Variants in MARCHF1 observed in about 807,000 individuals in gnomAD.
MARCHF1 encodes E3 ubiquitin-protein ligase MARCHF1.
Under a neutral mutation model 54.2 loss-of-function variants are expected in MARCHF1, and 40 were observed. That is an observed-to-expected ratio of 0.74 (90% confidence interval 0.57 to 0.96). The LOEUF (loss-of-function observed/expected upper bound fraction) is 0.96, where lower values mean the gene tolerates loss of function less well. MARCHF1 is among the 40% of genes least tolerant of loss of function. MARCHF1 has a pLI of 0.00. For synonymous variants in MARCHF1, 236 were observed against 236.3 expected, an observed-to-expected ratio of 1.00 and a Z score of 0.01; for missense variants, 586 against 656.5, an observed-to-expected ratio of 0.89 and a Z score of 1.17.
chr4:164,146,935 G>A (rs945009064), intron 1 of MARCHF1, among the ~76,000 whole-genome samples: 8 of 149,416 alleles, frequency 5.4e-5, no homozygotes, highest in African/African-American at 2.0e-4. Context: ...CTGACAAAGG[G>A]CTAATATCCA....
At chr4:164,021,976 G>A (rs1753676453) in intron 2 of MARCHF1, among the ~76,000 whole-genome samples, 1 of 151,994 alleles carries the variant, frequency 6.6e-6, no homozygotes, top group African/African-American at 2.4e-5. Flanking sequence ...AGCAACATTT[G>A]TTGAAAAAAT....
chr4:163,536,551 CA>C (rs2110884544), intron 9 of MARCHF1, among the ~76,000 whole-genome samples: 1 of 152,214 alleles, frequency 6.6e-6, no homozygotes, highest in Admixed American at 6.5e-5. Flanking sequence ...TTGACGAGCA[CA>C]GAATTTGTCT....
At chr4:164,108,463 G>A (rs1156329490) in intron 2 of MARCHF1, among the ~76,000 whole-genome samples, 2 of 151,620 alleles carry the variant, frequency 1.3e-5, no homozygotes, top group African/African-American at 4.8e-5. Flanking sequence ...GACATGCAAA[G>A]GATCAGTTTA....
intron 5 of MARCHF1, among the ~76,000 whole-genome samples, chr4:163,618,165 G>A (rs1472634139): frequency 6.6e-6 from 1 of 152,114 alleles, no homozygotes. Context: ...TACATGTTCC[G>A]CTTGCTGGTG....
intron 4 of MARCHF1, among the ~76,000 whole-genome samples, chr4:163,840,776 C>T (rs1490798670): frequency 1.3e-5 from 2 of 151,988 alleles, no homozygotes; most frequent in Non-Finnish European, 2.9e-5. Context: ...GTTCTCACCC[C>T]TGACCCCCAA....
At chr4:163,737,782 G>C (rs369781730) in intron 4 of MARCHF1, among the ~76,000 whole-genome samples, 11 of 117,944 alleles carry the variant, frequency 9.3e-5, no homozygotes, top group East Asian at 6.0e-4. Flanking sequence ...AGGATGTGGA[G>C]AAATAGGAAC....
intron 4 of MARCHF1, among the ~76,000 whole-genome samples, chr4:163,818,491 T>C (rs753770601): frequency 3.3e-5 from 5 of 152,104 alleles, no homozygotes; most frequent in Admixed American, 3.3e-4. Flanking sequence ...TACCATAACA[T>C]TCATTTTATA....
intron 4 of MARCHF1, among the ~76,000 whole-genome samples, chr4:163,743,277 A>G (rs999161949): frequency 6.6e-6 from 1 of 152,228 alleles, no homozygotes; most frequent in Non-Finnish European, 1.5e-5. Flanking sequence ...CTGCCAGGAC[A>G]GTTCCACTGC....
chr4:164,073,730 C>T (rs943736625), intron 2 of MARCHF1, among the ~76,000 whole-genome samples: 1 of 152,094 alleles, frequency 6.6e-6, no homozygotes, highest in Non-Finnish European at 1.5e-5. Context: ...AAATTAACCA[C>T]CACTAAATTT....
intron 9 of MARCHF1, among the ~76,000 whole-genome samples, chr4:163,531,917 A>G (rs1339335930): frequency 1.3e-5 from 2 of 151,922 alleles, no homozygotes; most frequent in African/African-American, 4.8e-5. Flanking sequence ...GAGAAAAACT[A>G]TGAAGCTATG....
chr4:163,653,052 G>C (rs1178028967), intron 5 of MARCHF1, among the ~76,000 whole-genome samples: 2 of 141,214 alleles, frequency 1.4e-5, no homozygotes, highest in East Asian at 4.3e-4. Flanking sequence ...TACTATTAGA[G>C]AAAATCAAGG....
At chr4:164,244,488 G>A (rs1385004725) in intron 1 of MARCHF1, among the ~76,000 whole-genome samples, 1 of 144,920 alleles carries the variant, frequency 6.9e-6, no homozygotes, top group Non-Finnish European at 1.5e-5. Flanking sequence ...AGCACTAAAT[G>A]CCCACAAGAG....
At chr4:164,195,992 T>C (rs1231871757) in intron 1 of MARCHF1, among the ~76,000 whole-genome samples, 1 of 152,164 alleles carries the variant, frequency 6.6e-6, no homozygotes, top group Non-Finnish European at 1.5e-5. Flanking sequence ...ATAAATATAG[T>C]TGAAATGCTG....
At chr4:163,931,047 A>T (rs1247662017) in intron 3 of MARCHF1, among the ~76,000 whole-genome samples, 2 of 152,102 alleles carry the variant, frequency 1.3e-5, no homozygotes, top group Admixed American at 6.6e-5. Context: ...CTCTAATCCC[A>T]TAAGTTTGCT....
intron 1 of MARCHF1, among the ~76,000 whole-genome samples, chr4:164,340,155 A>G (rs1005487266): frequency 9.2e-5 from 14 of 152,100 alleles, no homozygotes; most frequent in Admixed American, 8.5e-4. Context: ...AGTCTACAAA[A>G]TATTTAAAGA....
intron 4 of MARCHF1, 41 bp from the exon 5 acceptor site, chr4:163,700,904 G>A: frequency 7.1e-7 from 1 of 1,405,812 alleles, no homozygotes; most frequent in Non-Finnish European, 9.7e-7. Flanking sequence ...AAGAAGGTAT[G>A]GTACTTTCAC....
At position 163,820,707 on chromosome 4, in the gene MARCHF1, CCTCT is replaced by C. The variant is rs894948486; in HGVS notation, c.111+33310_111+33313del. Among the ~76,000 whole-genome samples, 16 of 152,018 alleles carry C rather than the reference CCTCT, an allele frequency of 1.1e-4. No individual in the cohort carries two copies. In the East Asian group the frequency reaches 3.1e-3, roughly 29 times the overall value. On this transcript the variant is annotated intron_variant, in intron 4 of 9. Transcript: ENST00000514618. ...TGGAAAGCTACGGTGGTTTTAGAGC[CCTCT>C]CTCTCATTTTACATTCAATCCATCA...
In MARCHF1 at chr4:163,582,684, G is replaced by A. The variant is rs529182735; in HGVS notation, c.1191+3065C>T. ...TTATAAACTGTAATGGAATTACCAA[G>A]TTGAAGGCAATTAATTGGATGTACT... is the stretch of plus-strand genomic sequence containing the variant. On this transcript the variant is annotated intron_variant, in intron 8 of 9. Coordinates refer to ENST00000514618, the MANE Select transcript of MARCHF1 (RefSeq NM_001394959.1). 3.3e-5 allele frequency among the ~76,000 whole-genome samples: 5 copies of A among 152,182 alleles called. No homozygotes were observed. In the South Asian group the frequency reaches 1.0e-3, roughly 32 times the overall value.
intron 7 of MARCHF1, among the ~76,000 whole-genome samples, chr4:163,594,934 C>A (rs1740714151): frequency 1.3e-5 from 2 of 152,170 alleles, no homozygotes; most frequent in Admixed American, 1.3e-4. Flanking sequence ...TATGAGCGAG[C>A]AATCCCACGT....
Sources: gnomAD v4.1 joint callset for allele counts (sites outside exome capture counted in the v4.1 genomes callset) on GRCh38, gnomAD v4.1.1 for gene constraint, MANE v1.5 for transcripts, NCBI Gene and HGNC (gene_info 2026-07-23, HGNC 2026-07-21) for gene names.